The following RAPGEF1 variants were observed in gnomAD, a reference collection of about 807,000 sequenced individuals.
RAPGEF1 encodes the protein CRK SH3-binding GNRP.
In RAPGEF1, 33 loss-of-function variants were observed where a neutral mutation model predicts 143.3. The observed-to-expected ratio is 0.23, with a 90% CI of 0.17 to 0.31. The LOEUF (loss-of-function observed/expected upper bound fraction) is 0.31, where lower values mean the gene tolerates loss of function less well. Among genes scored for constraint, RAPGEF1 ranks in the 10% least tolerant of loss-of-function variants. The pLI, the probability that RAPGEF1 is intolerant of heterozygous loss-of-function variation, is 1.00. For missense variants in RAPGEF1, 1,199 were observed against 1,645.4 expected (o/e 0.73, Z 4.69); for synonymous variants, 629 against 676.5 (o/e 0.93, Z 1.09).
rs1961109832 is a variant in RAPGEF1, at chr9:131,621,758, G to C, written c.1905+38C>G. On this transcript the variant is annotated intron_variant, in intron 11 of 26. Coordinates refer to ENST00000683357, the MANE Select transcript of RAPGEF1 (RefSeq NM_001377935.1). The surrounding 1 kb of genome is among the most constrained non-coding windows in gnomAD (Gnocchi z 4.5). ...ATTCTGGTTCCTAGAGACCTGCTAG[G>C]ATCGGAAGTTCTAGTCACAAGGGAA... The C allele has an allele frequency of 2.6e-6, 4 of 1,554,432 alleles. No homozygotes were observed. In the East Asian group the frequency reaches 9.4e-5, roughly 37 times the overall value.
chr9:131,689,346 A>G (rs769223696), intron 1 of RAPGEF1, among the ~76,000 whole-genome samples: 1 of 152,202 alleles, frequency 6.6e-6, no homozygotes, highest in Non-Finnish European at 1.5e-5. Flanking sequence ...TTTCAAGTAC[A>G]TGCAGCTGGA....
chr9:131,680,999 G>A (rs943260918), intron 1 of RAPGEF1, among the ~76,000 whole-genome samples: 2 of 152,178 alleles, frequency 1.3e-5, no homozygotes, highest in African/African-American at 4.8e-5. Flanking sequence ...TCCCCCTGGT[G>A]AGTAAGAAGG....
intron 1 of RAPGEF1, among the ~76,000 whole-genome samples, chr9:131,658,688 G>A (rs1973175792): frequency 1.3e-5 from 2 of 152,174 alleles, no homozygotes; most frequent in Non-Finnish European, 2.9e-5. Context: ...AGGAGAGGAT[G>A]TAGCCTGCTC....
chr9:131,634,905 C>A (rs1363910120), intron 5 of RAPGEF1, among the ~76,000 whole-genome samples: 2 of 151,840 alleles, frequency 1.3e-5, no homozygotes, highest in Non-Finnish European at 2.9e-5. Flanking sequence ...GTGGCTCGGC[C>A]CCCCAGCATC....
chr9:131,609,656 C>T (rs1181228074), intron 12 of RAPGEF1, among the ~76,000 whole-genome samples: 1 of 152,212 alleles, frequency 6.6e-6, no homozygotes, highest in African/African-American at 2.4e-5. Context: ...CTGAAAGCCA[C>T]TGGGCCCCGG....
At chr9:131,705,111 C>A (rs898444187) in intron 1 of RAPGEF1, among the ~76,000 whole-genome samples, 5 of 152,210 alleles carry the variant, frequency 3.3e-5, no homozygotes, top group African/African-American at 1.2e-4. Flanking sequence ...TAACCACCTG[C>A]CACCTTCCAA....
intron 17 of RAPGEF1, 73 bp from the exon 18 acceptor site, chr9:131,592,256 G>C: frequency 8.1e-7 from 1 of 1,241,552 alleles, no homozygotes; most frequent in Non-Finnish European, 1.2e-6. Flanking sequence ...GGGTGGATTT[G>C]AGTCCTTGCT....
chr9:131,665,556 A>AT (rs1270116493), intron 1 of RAPGEF1, among the ~76,000 whole-genome samples: 3 of 151,862 alleles, frequency 2.0e-5, no homozygotes, highest in African/African-American at 4.8e-5. Flanking sequence ...AAGTCTCGCT[A>AT]TGTCACCCTT....
rs1252475146 is a variant in RAPGEF1 at position 131,621,263 on chromosome 9, G to A, written c.1905+533C>T. On this transcript the variant is annotated intron_variant, in intron 11 of 26. Coordinates refer to ENST00000683357, the MANE Select transcript of RAPGEF1 (RefSeq NM_001377935.1). This position sits in a 1 kb window ranked among gnomAD's most constrained non-coding sequence, Gnocchi z 4.5. ...GTTTTCTAGAAGAGGAAGGTGCCAT[G>A]TCTGAAACAGAGTGGCTCTGTTTAA... 6.6e-6 allele frequency among the ~76,000 whole-genome samples: 1 copy of A among 152,222 alleles called. No individual in the cohort carries two copies. The highest frequency in any genetic ancestry group is 2.4e-5 in the African/African-American group (1 of 41,458).
chr9:131,685,234 G>C (rs923526971), intron 1 of RAPGEF1, among the ~76,000 whole-genome samples: 1 of 152,166 alleles, frequency 6.6e-6, no homozygotes, highest in South Asian at 2.1e-4. Flanking sequence ...TGACTCCTGC[G>C]AGAAGTAGCT....
At chr9:131,674,588 G>A (rs1477493263) in intron 1 of RAPGEF1, among the ~76,000 whole-genome samples, 2 of 152,212 alleles carry the variant, frequency 1.3e-5, no homozygotes, top group East Asian at 1.9e-4. Flanking sequence ...TGTTTTGGGC[G>A]GCTAGGGCTG....
At chr9:131,721,968 T>C (rs1319599521) in intron 1 of RAPGEF1, among the ~76,000 whole-genome samples, 1 of 152,228 alleles carries the variant, frequency 6.6e-6, no homozygotes, top group Non-Finnish European at 1.5e-5. Flanking sequence ...CTCCCTTGGA[T>C]ACTGTAGTTT....
At chr9:131,734,594 T>G (rs1009000875) in intron 1 of RAPGEF1, among the ~76,000 whole-genome samples, 1 of 152,186 alleles carries the variant, frequency 6.6e-6, no homozygotes, top group African/African-American at 2.4e-5. Flanking sequence ...TGAGTATACT[T>G]TGACGACAAA....
At chr9:131,673,145 G>C (rs1406568274) in intron 1 of RAPGEF1, among the ~76,000 whole-genome samples, 1 of 152,162 alleles carries the variant, frequency 6.6e-6, no homozygotes, top group East Asian at 1.9e-4. Flanking sequence ...GGAGTGGGGT[G>C]GGTCAGAATG....
chr9:131,680,652 T>C (rs1337478351), intron 1 of RAPGEF1, among the ~76,000 whole-genome samples: 2 of 152,234 alleles, frequency 1.3e-5, no homozygotes, highest in African/African-American at 4.8e-5. Flanking sequence ...ATTTGGCCCA[T>C]CCCTTTGTTT....
chr9:131,713,837 C>T (rs1346429274), intron 1 of RAPGEF1, among the ~76,000 whole-genome samples: 1 of 152,072 alleles, frequency 6.6e-6, no homozygotes, highest in African/African-American at 2.4e-5. Context: ...TGGTACACAG[C>T]AGATACTCAA....
intron 5 of RAPGEF1, among the ~76,000 whole-genome samples, chr9:131,637,575 C>T (rs1216381269): frequency 1.3e-5 from 2 of 152,158 alleles, no homozygotes; most frequent in East Asian, 1.9e-4. Flanking sequence ...CTGGGGTAAA[C>T]ACCTCAGCTA....
intron 12 of RAPGEF1, among the ~76,000 whole-genome samples, chr9:131,618,771 G>T (rs1304995051): frequency 6.6e-6 from 1 of 152,102 alleles, no homozygotes; most frequent in East Asian, 1.9e-4. Flanking sequence ...AGCGAGATTG[G>T]GATAAAAAGG....
chr9:131,597,412 C>T (rs1482523764), intron 16 of RAPGEF1, among the ~76,000 whole-genome samples: 1 of 152,242 alleles, frequency 6.6e-6, no homozygotes, highest in South Asian at 2.1e-4. Flanking sequence ...CAGACACATT[C>T]CTGGGCTGCT....
Sources: gnomAD v4.1 joint callset for allele counts (sites outside exome capture counted in the v4.1 genomes callset) on GRCh38, gnomAD v4.1.1 for gene constraint, Gnocchi (gnomAD v3.1) non-coding constraint, MANE v1.5 for transcripts, NCBI Gene and HGNC (gene_info 2026-07-23, HGNC 2026-07-21) for gene names.